The following ARHGDIB variants were observed in gnomAD, a reference collection of about 807,000 sequenced individuals.
ARHGDIB encodes the protein Rho GDP dissociation inhibitor beta.
ARHGDIB carries 20 observed loss-of-function variants against 22.6 expected under a neutral mutation model. That is an observed-to-expected ratio of 0.88 (90% CI 0.62 to 1.28). ARHGDIB has a LOEUF of 1.28. ARHGDIB is among the 50% of genes most tolerant of loss of function. The pLI, the probability that ARHGDIB is intolerant of heterozygous loss-of-function variation, is 0.00. For synonymous variants in ARHGDIB, 114 were observed against 96.1 expected, an observed-to-expected ratio of 1.19 and a Z score of -1.09; for missense variants, 254 against 245.4, an observed-to-expected ratio of 1.04 and a Z score of -0.23.
chr12:14,958,099 A>T (rs2120762821), intron 1 of ARHGDIB, among the ~76,000 whole-genome samples: 1 of 152,276 alleles, frequency 6.6e-6, no homozygotes, highest in South Asian at 2.1e-4. Flanking sequence ...AACACTGTTG[A>T]CATTTCAGAG....
intron 5 of ARHGDIB, among the ~76,000 whole-genome samples, chr12:14,943,391 TG>T (rs370163181): frequency 0.21 from 18,317 of 86,760 alleles, 1,209 homozygotes; most frequent in Non-Finnish European, 0.29. Context: ...TTTTTTTTTT[TG>T]TTGTTGTTGT....
Position 14,950,539 on chromosome 12 carries a change from C to T in ARHGDIB, c.174G>A (p.Val58=). 1 of 1,612,776 alleles carries T rather than the reference C, an allele frequency of 6.2e-7. No individual in the cohort carries two copies. The highest frequency in any genetic ancestry group is 8.5e-7 in the Non-Finnish European group (1 of 1,179,188). ...YKKTLLGDGP[V]VTDPKAPNVV... is the part of the protein sequence containing the mutation. ...TTCTCTGTACACACATACCTGTCAC[C>T]ACAGGACCATCTCCCAGCAGCGTTT... Residue 58 remains valine, a synonymous_variant, in exon 2 of 6, where the codon GTG becomes GTA. Transcript: ENST00000228945.
Position 14,942,267 on chromosome 12 carries a change from T to A in ARHGDIB, c.*255A>T. On this transcript the variant is annotated 3_prime_UTR_variant, in exon 6 of 6. Transcript: ENST00000228945. Reference sequence around the variant, plus strand: ...GGTAAGACAGGGAAATATTAAATGATTGTGTACTGAGATGGAGACGTGGAA... The same window carrying A: ...GGTAAGACAGGGAAATATTAAATGAATGTGTACTGAGATGGAGACGTGGAA... The A allele has an allele frequency of 2.0e-6, 1 of 504,724 alleles. No homozygotes were observed. Among genetic ancestry groups the A allele is most frequent in the South Asian group, 2.3e-5 (1 of 43,022 alleles). The allele number at this position is 504,724 out of a possible 1,614,324, so 31.3% of individuals were successfully genotyped here. A position where few individuals can be genotyped will look rare whatever the true frequency, so the allele number is the denominator to read the frequency against.
chr12:14,948,554 A>G (rs1864085269), intron 3 of ARHGDIB, among the ~76,000 whole-genome samples: 1 of 152,214 alleles, frequency 6.6e-6, no homozygotes, highest in Admixed American at 6.5e-5. Context: ...GAAGTTATAA[A>G]AGCTTCAGGT....
intron 1 of ARHGDIB, among the ~76,000 whole-genome samples, chr12:14,959,143 G>A (rs1864359634): frequency 6.6e-6 from 1 of 152,190 alleles, no homozygotes; most frequent in Non-Finnish European, 1.5e-5. Flanking sequence ...AATAGGCCAT[G>A]CATGGTGGCT....
At chr12:14,948,118 A>G (rs1472739594) in intron 3 of ARHGDIB, among the ~76,000 whole-genome samples, 169 bp from the exon 4 acceptor site, 2 of 151,912 alleles carry the variant, frequency 1.3e-5, no homozygotes. Flanking sequence ...ACACACACAC[A>G]CACACACACA....
Position 14,947,855 on chromosome 12 carries a change from A to G in ARHGDIB, c.342+18T>C. On this transcript the variant is annotated intron_variant, in intron 4 of 5. Transcript: ENST00000228945. Reference sequence around the variant, plus strand: ...AAAGATTTAAACTTTACAAAAACACACAAGGCAGGATACTTACTTTGAAGT... The same window carrying G: ...AAAGATTTAAACTTTACAAAAACACGCAAGGCAGGATACTTACTTTGAAGT... The G allele has an allele frequency of 6.4e-7, 1 of 1,568,944 alleles. No individual in the cohort carries two copies. The highest frequency in any genetic ancestry group is 8.8e-7 in the Non-Finnish European group (1 of 1,139,520).
At chr12:14,953,628 C>T (rs1259201163) in intron 1 of ARHGDIB, among the ~76,000 whole-genome samples, 2 of 138,898 alleles carry the variant, frequency 1.4e-5, no homozygotes, top group Admixed American at 7.3e-5. Flanking sequence ...TGGTAATTAT[C>T]TCAAGGAAAA....
chr12:14,949,096 A>G (rs1257160548), intron 3 of ARHGDIB, among the ~76,000 whole-genome samples: 3 of 151,320 alleles, frequency 2.0e-5, no homozygotes, highest in Non-Finnish European at 1.5e-5. Context: ...TTTGGTAACT[A>G]TTTTTTTTTT....
chr12:14,943,266 G>T (rs547196450), intron 5 of ARHGDIB, among the ~76,000 whole-genome samples: 1 of 152,146 alleles, frequency 6.6e-6, no homozygotes, highest in East Asian at 1.9e-4. Context: ...CAAAGGCTAT[G>T]GTTCAGTAAC....
intron 3 of ARHGDIB, chr12:14,948,990 G>T (rs964322753): frequency 6.6e-6 from 1 of 152,274 alleles, no homozygotes; most frequent in Non-Finnish European, 1.5e-5. Context: ...GGTAAAGACT[G>T]GCTGTGTCCT....
At position 14,943,394 on chromosome 12, in the gene ARHGDIB, T is replaced by C. The variant is rs1426798665; in HGVS notation, c.407-673A>G. Among the ~76,000 whole-genome samples the C allele has an allele frequency of 1.3e-4, 9 of 69,248 alleles. No individual in the cohort carries two copies. In the East Asian group the frequency reaches 2.0e-3, roughly 16 times the overall value. 45.4% of individuals were successfully genotyped at this position (69,248 alleles called of 152,430 possible). ...TTAAGCCTGTTTTTTTTTTTTTTGT[T>C]GTTGTTGTTGTTTTTTTTATGGAGA... On this transcript the variant is annotated intron_variant, in intron 5 of 5. Coordinates refer to ENST00000228945, the MANE Select transcript of ARHGDIB (RefSeq NM_001175.7).
At chr12:14,945,444 A>G (rs573648596) in intron 4 of ARHGDIB, among the ~76,000 whole-genome samples, 3 of 152,336 alleles carry the variant, frequency 2.0e-5, no homozygotes, top group Non-Finnish European at 4.4e-5. Flanking sequence ...AGATCTTGCT[A>G]TTTTCCCAAG....
intron 1 of ARHGDIB, chr12:14,951,105 C>G (rs1440629687): frequency 6.3e-6 from 1 of 158,354 alleles, no homozygotes; most frequent in Non-Finnish European, 1.4e-5. Flanking sequence ...ATCCAGCCAG[C>G]CTGGCTAGCG....
At chr12:14,950,381 A>T (rs1864139592) in intron 2 of ARHGDIB, 151 bp downstream of exon 2, 1 of 672,096 alleles carries the variant, frequency 1.5e-6, no homozygotes, top group South Asian at 2.0e-5. Context: ...TATACAGTTC[A>T]TAACTTTAAT....
chr12:14,948,100 G>GCGCGCTCACA, intron 3 of ARHGDIB, 151 bp from the exon 4 acceptor site: 5 of 436,270 alleles, frequency 1.1e-5, no homozygotes, highest in East Asian at 3.9e-5. Context: ...TTTAGTCCTT[G>GCGCGCTCACA]CACACACACA....
intron 3 of ARHGDIB, among the ~76,000 whole-genome samples, chr12:14,949,144 G>A (rs1864104261): frequency 6.6e-6 from 1 of 151,756 alleles, no homozygotes; most frequent in South Asian, 2.1e-4. Flanking sequence ...CAATCTCCTG[G>A]CTCCGTGCTT....
chr12:14,947,634 T>A, intron 4 of ARHGDIB: 1 of 455,298 alleles, frequency 2.2e-6, no homozygotes, highest in Non-Finnish European at 4.0e-6. Flanking sequence ...CACAGAGGGA[T>A]CCCATTGGCT....
chr12:14,948,100 G>GCACACACGCA (rs1864069852), intron 3 of ARHGDIB, 151 bp from the exon 4 acceptor site: 6 of 437,430 alleles, frequency 1.4e-5, no homozygotes. Flanking sequence ...TTTAGTCCTT[G>GCACACACGCA]CACACACACA....
Sources: gnomAD v4.1 joint callset for allele counts (sites outside exome capture counted in the v4.1 genomes callset) on GRCh38, gnomAD v4.1.1 for gene constraint, MANE v1.5 for transcripts, NCBI Gene and HGNC (gene_info 2026-07-23, HGNC 2026-07-21) for gene names.